Variants in BICC1 observed in about 807,000 individuals in gnomAD.
BICC1 encodes protein bicaudal C homolog 1.
Under a neutral mutation model 111.0 loss-of-function variants are expected in BICC1, and 43 were observed. The ratio of observed to expected loss-of-function variants is 0.39; its 90% CI spans 0.30 to 0.50. The LOEUF (loss-of-function observed/expected upper bound fraction) is 0.50, where lower values mean the gene tolerates loss of function less well. Among genes scored for constraint, BICC1 ranks in the 20% least tolerant of loss-of-function variants. BICC1 has a pLI of 0.88. For missense variants in BICC1, 1,091 were observed against 1,203.2 expected, an observed-to-expected ratio of 0.91 and a Z score of 1.38; for synonymous variants, 467 against 434.4, an observed-to-expected ratio of 1.07 and a Z score of -0.93.
intron 1 of BICC1, among the ~76,000 whole-genome samples, chr10:58,520,794 C>A (rs1184362891): frequency 6.6e-6 from 1 of 152,074 alleles, no homozygotes; most frequent in Non-Finnish European, 1.5e-5. Flanking sequence ...AAAACCAAGT[C>A]ATCCCTAACT....
chr10:58,522,933 C>A (rs1842431674), intron 1 of BICC1, among the ~76,000 whole-genome samples: 1 of 152,134 alleles, frequency 6.6e-6, no homozygotes, highest in Admixed American at 6.5e-5. Context: ...CACCTCTATG[C>A]AAATAAACTA....
At chr10:58,613,154 C>T (rs1013785994) in intron 1 of BICC1, among the ~76,000 whole-genome samples, 2 of 152,168 alleles carry the variant, frequency 1.3e-5, no homozygotes, top group African/African-American at 4.8e-5. Flanking sequence ...ATTCAGCCAG[C>T]CACGTTTCAG....
At chr10:58,567,407 T>G (rs1270820973) in intron 1 of BICC1, among the ~76,000 whole-genome samples, 6 of 151,826 alleles carry the variant, frequency 4.0e-5, no homozygotes, top group South Asian at 4.2e-4. Context: ...TTAGGGGAGA[T>G]ATATATATAT....
intron 2 of BICC1, among the ~76,000 whole-genome samples, 170 bp from the exon 3 acceptor site, chr10:58,701,904 A>T (rs1840248539): frequency 6.6e-6 from 1 of 151,532 alleles, no homozygotes; most frequent in South Asian, 2.1e-4. Context: ...TTATAAAAAC[A>T]TCTCTTTTCC....
intron 8 of BICC1, 83 bp downstream of exon 8, chr10:58,790,016 GAT>G (rs1341621217): frequency 6.9e-7 from 1 of 1,453,888 alleles, no homozygotes; most frequent in African/African-American, 1.4e-5. Flanking sequence ...GTACTAATGT[GAT>G]ATTTAGGAAA....
intron 1 of BICC1, among the ~76,000 whole-genome samples, chr10:58,564,827 TTTTA>T (rs1239624912): frequency 2.0e-5 from 3 of 152,258 alleles, no homozygotes; most frequent in African/African-American, 7.2e-5. Flanking sequence ...ATAATCCCTT[TTTTA>T]TTTATTTTGG....
At chr10:58,757,259 C>T (rs1306896194) in intron 3 of BICC1, among the ~76,000 whole-genome samples, 1 of 152,164 alleles carries the variant, frequency 6.6e-6, no homozygotes, top group Non-Finnish European at 1.5e-5. Flanking sequence ...TGTATTTGTT[C>T]ATGAGTATGT....
rs566092475 is a variant in BICC1 at position 58,747,519 on chromosome 10, A to C, written c.308-37482A>C. ...ATTATCGTATACATTTATGGGGTAC[A>C]ATGTGATGATGTTTTGATATATGTA... On this transcript the variant is annotated intron_variant, in intron 3 of 20. Transcript: ENST00000373886. 8.5e-5 allele frequency among the ~76,000 whole-genome samples: 13 copies of C among 152,212 alleles called. No individual in the cohort carries two copies. The East Asian group carries it at 1.7e-3, about 20-fold the overall frequency.
rs11527540 is a variant in BICC1, at chr10:58,685,593, G to C, written c.238-16481G>C. Reference sequence around the variant, plus strand: ...ATATTTAGGAGAGTTAGCTCTTCTTGTGGAATTGATCCCTTTTCCATTATG... The same window carrying C: ...ATATTTAGGAGAGTTAGCTCTTCTTCTGGAATTGATCCCTTTTCCATTATG... On this transcript the variant is annotated intron_variant, in intron 2 of 20. Coordinates refer to ENST00000373886, the MANE Select transcript of BICC1 (RefSeq NM_001080512.3). Among the ~76,000 whole-genome samples the C allele has an allele frequency of 3.5e-4, 53 of 151,402 alleles. No individual in the cohort carries two copies. The East Asian group carries it at 9.5e-3, about 27-fold the overall frequency.
At chr10:58,798,651 G>A in intron 11 of BICC1, 91 bp downstream of exon 11, 1 of 1,201,278 alleles carries the variant, frequency 8.3e-7, no homozygotes. Flanking sequence ...GTTTTCTTAA[G>A]GCAAAATTAG....
intron 3 of BICC1, among the ~76,000 whole-genome samples, chr10:58,740,397 AT>A (rs1412416122): frequency 6.6e-6 from 1 of 152,204 alleles, no homozygotes; most frequent in African/African-American, 2.4e-5. Flanking sequence ...CTCCTTTGAC[AT>A]TTAAAAGTTG....
intron 3 of BICC1, chr10:58,715,942 TGAA>T (rs1840726221): frequency 7.3e-7 from 1 of 1,371,424 alleles, no homozygotes; most frequent in African/African-American, 1.4e-5. Flanking sequence ...ACAAGGAAAA[TGAA>T]GAAAGAAAAA....
At chr10:58,556,953 C>T (rs1417560547) in intron 1 of BICC1, among the ~76,000 whole-genome samples, 1 of 152,072 alleles carries the variant, frequency 6.6e-6, no homozygotes, top group East Asian at 1.9e-4. Flanking sequence ...AGGATGTCTA[C>T]ATTCTCATTC....
intron 1 of BICC1, among the ~76,000 whole-genome samples, chr10:58,517,941 G>T (rs1423419005): frequency 6.6e-6 from 1 of 152,144 alleles, no homozygotes; most frequent in Non-Finnish European, 1.5e-5. Flanking sequence ...GGAAACTTTA[G>T]TTTGGTCTTA....
At chr10:58,692,799 GT>G in intron 2 of BICC1, among the ~76,000 whole-genome samples, 1 of 149,058 alleles carries the variant, frequency 6.7e-6, no homozygotes, top group African/African-American at 2.5e-5. Flanking sequence ...TTAATGTGAA[GT>G]TTTTTGTGGC....
intron 15 of BICC1, among the ~76,000 whole-genome samples, chr10:58,803,947 C>A (rs6481439): frequency 0.69 from 104,342 of 151,982 alleles, 36,389 homozygotes; most frequent in Non-Finnish European, 0.74. Flanking sequence ...TGATGTCAGA[C>A]CAGAATTGCT....
chr10:58,728,814 C>T (rs1453882979), intron 3 of BICC1, among the ~76,000 whole-genome samples: 1 of 152,136 alleles, frequency 6.6e-6, no homozygotes, highest in Non-Finnish European at 1.5e-5. Flanking sequence ...TGTACATCTT[C>T]ATCAGACCTC....
chr10:58,665,541 G>C (rs1189838343), intron 2 of BICC1, among the ~76,000 whole-genome samples: 1 of 152,032 alleles, frequency 6.6e-6, no homozygotes, highest in East Asian at 1.9e-4. Context: ...CTTTGTTCAT[G>C]AATTCTATCG....
intron 3 of BICC1, among the ~76,000 whole-genome samples, chr10:58,747,285 C>T (rs10826230): frequency 0.6 from 91,775 of 151,904 alleles, 29,274 homozygotes; most frequent in East Asian, 0.9. Context: ...CCAAATCTTA[C>T]AAGGTAAAAG....
Sources: gnomAD v4.1 joint callset for allele counts (sites outside exome capture counted in the v4.1 genomes callset) on GRCh38, gnomAD v4.1.1 for gene constraint, MANE v1.5 for transcripts, NCBI Gene and HGNC (gene_info 2026-07-23, HGNC 2026-07-21) for gene names.